Variants in ADGRL3 observed in about 807,000 individuals in gnomAD.
ADGRL3 encodes the protein calcium-independent alpha-latrotoxin receptor 3.
Under a neutral mutation model 153.5 loss-of-function variants are expected in ADGRL3, and 62 were observed. The ratio of observed to expected loss-of-function variants is 0.40; its 90% CI spans 0.33 to 0.50. ADGRL3 has a LOEUF of 0.50. ADGRL3 is among the 20% of genes least tolerant of loss of function. The probability of loss-of-function intolerance (pLI) is 0.47; values close to 1 mark genes in which losing one functional copy is unlikely to be tolerated. For synonymous variants in ADGRL3, 710 were observed against 672.5 expected (o/e 1.06, Z -0.86); for missense variants, 1,641 against 1,859.4 (o/e 0.88, Z 2.16).
chr4:61,893,045 T>A (rs2098599861), intron 10 of ADGRL3, 87 bp downstream of exon 10: 1 of 757,968 alleles, frequency 1.3e-6, no homozygotes, highest in Admixed American at 3.9e-5. Context: ...CTTCCTCCTT[T>A]CCTCCCTCCC....
chr4:61,722,467 C>G (rs1458245164), intron 6 of ADGRL3, among the ~76,000 whole-genome samples: 3 of 152,156 alleles, frequency 2.0e-5, no homozygotes, highest in Non-Finnish European at 2.9e-5. Context: ...ATGGAATACT[C>G]TGTCACTTTG....
chr4:61,706,475 A>G (rs1198685821), intron 6 of ADGRL3, among the ~76,000 whole-genome samples: 3 of 150,082 alleles, frequency 2.0e-5, no homozygotes, highest in Non-Finnish European at 4.4e-5. Context: ...TCTGTTGTTT[A>G]GTTTAGCTAC....
chr4:61,647,163 C>T (rs886605874), intron 5 of ADGRL3, among the ~76,000 whole-genome samples: 1 of 152,124 alleles, frequency 6.6e-6, no homozygotes, highest in Non-Finnish European at 1.5e-5. Context: ...ACCCACTGGC[C>T]TGCGCCCACT....
Position 61,996,305 on chromosome 4 carries a change from T to C in ADGRL3, c.3251T>C (p.Leu1084Pro), listed in dbSNP as rs757826915. 6.2e-7 allele frequency: 1 copy of C among 1,613,178 alleles called. No homozygotes were observed. The highest frequency in any genetic ancestry group is 1.1e-5 in the South Asian group (1 of 91,044). ...YGTDKVCWLR[L>P]DTYFIWSFIG... ...TTTCATTGCAGATGTTGGCTCCGAC[T>C]TGACACCTACTTCATTTGGAGTTTT... is the stretch of plus-strand genomic sequence containing the variant. The change falls in exon 20 of 27, where the codon CTT becomes CCT. Residue 1084 changes from leucine to proline, a missense_variant. This residue lies in a region of ADGRL3 where 32 missense variants were observed against 66.2 expected (regional missense o/e 0.48). Coordinates refer to ENST00000683033, the MANE Select transcript of ADGRL3 (RefSeq NM_001387552.1).
intron 1 of ADGRL3, among the ~76,000 whole-genome samples, chr4:61,350,420 G>A (rs1445785152): frequency 7.1e-6 from 1 of 140,504 alleles, no homozygotes; most frequent in African/African-American, 2.6e-5. Context: ...ATAAATTTAA[G>A]AGCAGTGATA....
chr4:61,789,444 A>G lies in ADGRL3; in HGVS notation c.1400-24365A>G, dbSNP rs565408299. On this transcript the variant is annotated intron_variant, in intron 8 of 26. Coordinates refer to ENST00000683033, the MANE Select transcript of ADGRL3 (RefSeq NM_001387552.1). Reference sequence around the variant, plus strand: ...GAGTAAAGCAATTGCTTTGAGTATTATAATCACTTTATGTAAGGATTATCA... The same window carrying G: ...GAGTAAAGCAATTGCTTTGAGTATTGTAATCACTTTATGTAAGGATTATCA... Among the ~76,000 whole-genome samples, 20 of 152,324 alleles carry G rather than the reference A, an allele frequency of 1.3e-4. No homozygotes were observed. In the South Asian group the frequency reaches 4.1e-3, roughly 32 times the overall value.
At chr4:61,670,560 T>A (rs1043538483) in intron 5 of ADGRL3, among the ~76,000 whole-genome samples, 3 of 152,064 alleles carry the variant, frequency 2.0e-5, no homozygotes, top group African/African-American at 7.2e-5. Flanking sequence ...TCCAAATTCT[T>A]GTCCCATGAC....
intron 1 of ADGRL3, among the ~76,000 whole-genome samples, chr4:61,302,823 T>C (rs1578189349): frequency 2.0e-5 from 3 of 152,292 alleles, no homozygotes; most frequent in South Asian, 2.1e-4. Flanking sequence ...ATTCCAGTGA[T>C]GAAGATATTA....
intron 1 of ADGRL3, among the ~76,000 whole-genome samples, chr4:61,380,327 A>G (rs1414951479): frequency 6.6e-6 from 1 of 151,962 alleles, no homozygotes; most frequent in Non-Finnish European, 1.5e-5. Context: ...CTGAATTCAT[A>G]CCAACTAGAG....
rs1385766566 is a variant in ADGRL3 at position 62,073,384 on chromosome 4, AC to A, written c.*2477del. 1 of 152,106 alleles carries A rather than the reference AC, an allele frequency of 6.6e-6. No homozygotes were observed. The allele number at this position is 152,106 out of a possible 1,614,324, so 9.4% of individuals were successfully genotyped here. A position where few individuals can be genotyped will look rare whatever the true frequency, so the allele number is the denominator to read the frequency against. On this transcript the variant is annotated 3_prime_UTR_variant, in exon 27 of 27. Coordinates refer to ENST00000683033, the MANE Select transcript of ADGRL3 (RefSeq NM_001387552.1). Reference sequence around the variant, plus strand: ...TGATAATTAGGTTTTCTCACACCACACTATGGCAATATTAGCACGTCCAAGG... The same window carrying A: ...TGATAATTAGGTTTTCTCACACCACATATGGCAATATTAGCACGTCCAAGG...
intron 2 of ADGRL3, among the ~76,000 whole-genome samples, chr4:61,404,428 G>A (rs191264239): frequency 6.6e-6 from 1 of 151,904 alleles, no homozygotes; most frequent in African/African-American, 2.4e-5. Flanking sequence ...CTTTCCAATT[G>A]CAACTGACTT....
intron 1 of ADGRL3, among the ~76,000 whole-genome samples, chr4:61,260,753 A>C (rs2092445486): frequency 6.6e-6 from 1 of 151,768 alleles, no homozygotes; most frequent in African/African-American, 2.4e-5. Flanking sequence ...TGAGACAGGG[A>C]CTCACTCTGT....
chr4:61,740,101 A>G (rs1387791596), intron 8 of ADGRL3, among the ~76,000 whole-genome samples: 1 of 152,242 alleles, frequency 6.6e-6, no homozygotes, highest in African/African-American at 2.4e-5. Context: ...AGTACAAAGT[A>G]CATGTGAAAG....
At chr4:61,884,794 T>C (rs1048494512) in intron 9 of ADGRL3, among the ~76,000 whole-genome samples, 1 of 151,284 alleles carries the variant, frequency 6.6e-6, no homozygotes, top group African/African-American at 2.4e-5. Context: ...CCGGCTAATT[T>C]TTGTATTTTT....
At chr4:61,900,214 A>G (rs1313526692) in intron 11 of ADGRL3, among the ~76,000 whole-genome samples, 2 of 152,216 alleles carry the variant, frequency 1.3e-5, no homozygotes, top group Non-Finnish European at 2.9e-5. Flanking sequence ...CATAGGTAGC[A>G]ATTATACTCA....
At chr4:61,366,427 A>G (rs1333898464) in intron 1 of ADGRL3, among the ~76,000 whole-genome samples, 6 of 152,184 alleles carry the variant, frequency 3.9e-5, no homozygotes, top group Admixed American at 3.9e-4. Context: ...GGAAATAACA[A>G]GATGTTGCAT....
chr4:61,537,782 A>G lies in ADGRL3; in HGVS notation c.259+20264A>G, dbSNP rs80293307. 5.3e-5 allele frequency among the ~76,000 whole-genome samples: 8 copies of G among 152,312 alleles called. No individual in the cohort carries two copies. In the East Asian group the frequency reaches 1.5e-3, roughly 29 times the overall value. ...TCACTATACTAAGATTGCTTCGATTAAGATCAAGTATTTCCATTTTAATAA... is the reference window on the plus strand; with the variant it reads ...TCACTATACTAAGATTGCTTCGATTGAGATCAAGTATTTCCATTTTAATAA... On this transcript the variant is annotated intron_variant, in intron 4 of 26. Coordinates refer to ENST00000683033, the MANE Select transcript of ADGRL3 (RefSeq NM_001387552.1).
chr4:61,266,926 T>A (rs986589131), intron 1 of ADGRL3, among the ~76,000 whole-genome samples: 2 of 151,712 alleles, frequency 1.3e-5, no homozygotes, highest in African/African-American at 4.8e-5. Context: ...TGCTGGACTA[T>A]CACTAATCAA....
At chr4:61,353,877 T>C (rs2096107984) in intron 1 of ADGRL3, among the ~76,000 whole-genome samples, 2 of 152,258 alleles carry the variant, frequency 1.3e-5, no homozygotes, top group Admixed American at 1.3e-4. Flanking sequence ...CTTTTCTAAT[T>C]TGAATTTTTT....
Sources: gnomAD v4.1 joint callset for allele counts (sites outside exome capture counted in the v4.1 genomes callset) on GRCh38, gnomAD v4.1.1 for gene constraint, gnomAD v4.1.1 regional missense constraint, MANE v1.5 for transcripts, NCBI Gene and HGNC (gene_info 2026-07-23, HGNC 2026-07-21) for gene names.